The following AHI1 variants were observed in gnomAD, a reference collection of about 807,000 sequenced individuals.
AHI1 encodes jouberin.
In AHI1, 123 loss-of-function variants were observed where a neutral mutation model predicts 149.3. The ratio of observed to expected loss-of-function variants is 0.82; its 90% confidence interval spans 0.71 to 0.96. The LOEUF (loss-of-function observed/expected upper bound fraction) is 0.96. Ranked by LOEUF, AHI1 falls within the 40% of genes least tolerant of loss-of-function variation. The pLI, the probability that AHI1 is intolerant of heterozygous loss-of-function variation, is 0.00. For synonymous variants in AHI1, 475 were observed against 459.8 expected (o/e 1.03, Z -0.42); for missense variants, 1,439 against 1,422.7 (o/e 1.01, Z -0.18).
At chr6:135,306,048 G>A (rs535780746) in intron 26 of AHI1, among the ~76,000 whole-genome samples, 93 of 152,286 alleles carry the variant, frequency 6.1e-4, no homozygotes, top group African/African-American at 2.2e-3. Context: ...TCTGATTAAA[G>A]TTACTTTCAC....
intron 11 of AHI1, among the ~76,000 whole-genome samples, chr6:135,450,905 T>C (rs904030253): frequency 1.3e-5 from 2 of 152,186 alleles, no homozygotes; most frequent in African/African-American, 2.4e-5. Flanking sequence ...AAAGTCTCAT[T>C]TGAATTACTG....
chr6:135,370,579 T>G (rs966973622), intron 23 of AHI1, among the ~76,000 whole-genome samples: 5 of 152,238 alleles, frequency 3.3e-5, no homozygotes, highest in Non-Finnish European at 7.3e-5. Context: ...TCAATAAATG[T>G]TCCCATGTAT....
intron 27 of AHI1, 27 bp downstream of exon 27, chr6:135,300,473 G>A: frequency 6.3e-7 from 1 of 1,578,810 alleles, no homozygotes; most frequent in South Asian, 1.2e-5. Context: ...ATTTATCACT[G>A]CAAATTATTT....
chr6:135,359,207 T>G (rs1793467466), intron 23 of AHI1, among the ~76,000 whole-genome samples: 1 of 152,246 alleles, frequency 6.6e-6, no homozygotes, highest in African/African-American at 2.4e-5. Context: ...AGTTTTTGTT[T>G]CATTAATTTT....
chr6:135,464,451 A>G (rs1266784870), intron 7 of AHI1, among the ~76,000 whole-genome samples: 1 of 152,182 alleles, frequency 6.6e-6, no homozygotes, highest in African/African-American at 2.4e-5. Flanking sequence ...GATGGACCTT[A>G]CTGATCCCCA....
intron 24 of AHI1, among the ~76,000 whole-genome samples, chr6:135,356,033 T>C (rs1441771745): frequency 6.6e-6 from 1 of 152,222 alleles, no homozygotes; most frequent in Non-Finnish European, 1.5e-5. Flanking sequence ...CTGCCATTCA[T>C]GGCAGTACTT....
At position 135,488,396 on chromosome 6, in the gene AHI1, C is replaced by T. The variant is rs142676010; in HGVS notation, c.135+2227G>A. Among the ~76,000 whole-genome samples the T allele has an allele frequency of 1.3e-3, 191 of 152,118 alleles. 1 individual carries two copies. The highest frequency in any genetic ancestry group is 4.4e-3 in the African/African-American group (181 of 41,498). ...TCCCACTTCACTGATTAGATTTTTC[C>T]GTAGTGTCAATTCCATCATTTTAGG... On this transcript the variant is annotated intron_variant, in intron 5 of 28. Transcript: ENST00000265602.
rs774535934 is a variant in AHI1, at chr6:135,388,067, T to C, written c.3109+6709A>G. On this transcript the variant is annotated intron_variant, in intron 23 of 28. Transcript: ENST00000265602. ...CAAATTCTTGTCGTTAAAAACTGCA[T>C]AATAAAAACATTTTTGATTCTTTTT... The C allele has an allele frequency of 1.3e-5, 21 of 1,610,390 alleles. No individual in the cohort carries two copies. The Middle Eastern group carries it at 4.9e-4, about 38-fold the overall frequency.
chr6:135,475,150 G>C (rs996662499), intron 5 of AHI1, among the ~76,000 whole-genome samples: 1 of 152,084 alleles, frequency 6.6e-6, no homozygotes, highest in Non-Finnish European at 1.5e-5. Flanking sequence ...TGCCCTTCAT[G>C]TAATTTACAC....
chr6:135,323,550 C>A (rs1001185734), intron 24 of AHI1, among the ~76,000 whole-genome samples: 6 of 152,164 alleles, frequency 3.9e-5, no homozygotes, highest in African/African-American at 1.4e-4. Context: ...ATTCAATACA[C>A]TAAGATTAGC....
chr6:135,422,012 G>T (rs1783232587), intron 20 of AHI1, among the ~76,000 whole-genome samples: 1 of 152,056 alleles, frequency 6.6e-6, no homozygotes, highest in South Asian at 2.1e-4. Context: ...TATTACAAAT[G>T]AATGCCATAT....
At chr6:135,285,737 C>A in intron 28 of AHI1, 90 bp from the exon 29 acceptor site, 2 of 1,091,368 alleles carry the variant, frequency 1.8e-6, no homozygotes, top group East Asian at 5.0e-5. Flanking sequence ...GGCAACAGCA[C>A]AGGTAATAAA....
At chr6:135,461,213 A>T (rs938210008) in intron 8 of AHI1, among the ~76,000 whole-genome samples, 1 of 152,088 alleles carries the variant, frequency 6.6e-6, no homozygotes, top group African/African-American at 2.4e-5. Flanking sequence ...CTATCACTAC[A>T]AATCAATTAG....
intron 26 of AHI1, chr6:135,300,799 G>T: frequency 9.2e-7 from 1 of 1,088,860 alleles, no homozygotes; most frequent in Non-Finnish European, 1.1e-6. Context: ...AGTAAAGTCA[G>T]CTTTCAGGTA....
At chr6:135,495,239 G>C (rs1795805795) in intron 3 of AHI1, 1 of 151,994 alleles carries the variant, frequency 6.6e-6, no homozygotes, top group African/African-American at 2.4e-5. Context: ...ATTCAAATGT[G>C]ATGGTGTCGT....
At chr6:135,338,413 G>A (rs1197680272) in intron 24 of AHI1, among the ~76,000 whole-genome samples, 2 of 152,098 alleles carry the variant, frequency 1.3e-5, no homozygotes, top group Non-Finnish European at 2.9e-5. Context: ...TTGATTAGGG[G>A]ACTCTAAAAC....
intron 24 of AHI1, among the ~76,000 whole-genome samples, chr6:135,328,479 T>C: frequency 8.6e-6 from 1 of 115,678 alleles, no homozygotes; most frequent in Non-Finnish European, 2.1e-5. Flanking sequence ...GTAATTCTTT[T>C]GGGGTGCCAT....
chr6:135,346,320 G>A (rs1032614242), intron 24 of AHI1, among the ~76,000 whole-genome samples: 35 of 152,120 alleles, frequency 2.3e-4, no homozygotes, highest in Admixed American at 1.2e-3. Flanking sequence ...TCACCCTCCC[G>A]AGTAGCTGGG....
intron 21 of AHI1, 39 bp downstream of exon 21, chr6:135,411,309 A>G: frequency 6.5e-7 from 1 of 1,538,686 alleles, no homozygotes; most frequent in Non-Finnish European, 9.0e-7. Flanking sequence ...AACAGGATAG[A>G]AATAGTTTTA....
Sources: allele counts gnomAD v4.1 joint callset (sites outside exome capture counted in the v4.1 genomes callset), GRCh38; gene constraint gnomAD v4.1.1; transcripts MANE v1.5; gene names NCBI Gene and HGNC (gene_info 2026-07-23, HGNC 2026-07-21).